Variants in UEVLD observed in about 807,000 individuals in gnomAD.
The protein encoded by UEVLD is ubiquitin-conjugating enzyme E2 variant 3.
In UEVLD, 47 loss-of-function variants were observed where a neutral mutation model predicts 58.6. That is an observed-to-expected ratio of 0.80 (90% CI 0.63 to 1.02). The LOEUF (loss-of-function observed/expected upper bound fraction) is 1.02, where lower values mean the gene tolerates loss of function less well. Ranked by LOEUF, UEVLD falls within the 50% of genes least tolerant of loss-of-function variation. The probability of loss-of-function intolerance (pLI) is 0.00; values close to 1 mark genes in which losing one functional copy is unlikely to be tolerated. For missense variants in UEVLD, 510 were observed against 550.6 expected (o/e 0.93, Z 0.74); for synonymous variants, 197 against 195.3 (o/e 1.01, Z -0.07).
At position 18,588,645 on chromosome 11, in the gene UEVLD, C is replaced by T. The variant is rs1853718679; in HGVS notation, c.10G>A (p.Asp4Asn). MEF[D>N]CEGLRRLLGK... Reference sequence around the variant, plus strand: ...AGCAGCCGTCTCAGGCCCTCGCAGTCGAACTCCATCTCCAGGCCGGTCCCG... The same window carrying T: ...AGCAGCCGTCTCAGGCCCTCGCAGTTGAACTCCATCTCCAGGCCGGTCCCG... Residue 4 changes from aspartate to asparagine, a missense_variant, in exon 1 of 12, where the codon GAC becomes AAC. Asp to Asn is a conservative substitution (Grantham distance 23, BLOSUM62 1). Coordinates refer to ENST00000396197, the MANE Select transcript of UEVLD (RefSeq NM_001040697.4). 1.9e-6 allele frequency: 3 copies of T among 1,609,844 alleles called. No individual in the cohort carries two copies. The highest frequency in any genetic ancestry group is 1.7e-6 in the Non-Finnish European group (2 of 1,179,858).
chr11:18,574,830 G>A (rs571203180), intron 3 of UEVLD, among the ~76,000 whole-genome samples: 2 of 152,250 alleles, frequency 1.3e-5, no homozygotes, highest in Admixed American at 1.3e-4. Context: ...TTTCACCTAT[G>A]GAATGGAGAT....
In UEVLD at chr11:18,536,398, A is replaced by T; in HGVS notation, c.1124+8T>A. 6.8e-6 allele frequency: 11 copies of T among 1,613,300 alleles called. No individual in the cohort carries two copies. The highest frequency in any genetic ancestry group is 9.3e-6 in the Non-Finnish European group (11 of 1,179,454). ...GTTGGATAAATGCAAATTTCCAGTC[A>T]GTGTTACCTGTTGGACAGCTGCACT... On this transcript the variant is annotated splice_region_variant and intron_variant, in intron 10 of 11. Transcript: ENST00000396197.
At chr11:18,537,326 T>TATA (rs1242275258) in intron 9 of UEVLD, among the ~76,000 whole-genome samples, 2,634 of 105,114 alleles carry the variant, frequency 0.025, 63 homozygotes, top group African/African-American at 0.073. Flanking sequence ...ATATATATAT[T>TATA]TTTTTTTTTT....
At chr11:18,544,173 T>C (rs557879085) in intron 9 of UEVLD, among the ~76,000 whole-genome samples, 9 of 152,328 alleles carry the variant, frequency 5.9e-5, no homozygotes, top group African/African-American at 2.2e-4. Flanking sequence ...ATATGAGGAA[T>C]TTATTCACAA....
intron 6 of UEVLD, among the ~76,000 whole-genome samples, chr11:18,563,240 A>G (rs1472216003): frequency 6.6e-6 from 1 of 152,340 alleles, no homozygotes; most frequent in African/African-American, 2.4e-5. Context: ...GCACTATGTC[A>G]TAAGTGCTAT....
At position 18,544,674 on chromosome 11, in the gene UEVLD, G is replaced by A. The variant is rs776252865; in HGVS notation, c.1009C>T (p.Gln337Ter). 1.3e-6 allele frequency: 2 copies of A among 1,591,846 alleles called. No homozygotes were observed. The highest frequency in any genetic ancestry group is 8.5e-7 in the Non-Finnish European group (1 of 1,172,640). The change falls in exon 9 of 12, where the codon CAG (glutamine) becomes TAG (stop). Residue 337 changes from glutamine (Q) to a stop codon, truncating the protein, a stop_gained. Coordinates refer to ENST00000396197, the MANE Select transcript of UEVLD (RefSeq NM_001040697.4). LOFTEE classifies it high-confidence loss of function. ...ACCCATACTTCTTTGCCTGAAGTCT[G>A]TGCCTTCAAAACATTTGTAATAATA... ...QYIITNVLKA[Q>*]TSGKEVWVIG...
chr11:18,572,814 A>T (rs1409825834), intron 3 of UEVLD, among the ~76,000 whole-genome samples: 1 of 151,830 alleles, frequency 6.6e-6, no homozygotes, highest in Non-Finnish European at 1.5e-5. Context: ...CAAAAAAAAA[A>T]AAAAAAGGCA....
chr11:18,544,874 T>C, intron 8 of UEVLD, 78 bp from the exon 9 acceptor site: 2 of 1,114,404 alleles, frequency 1.8e-6, no homozygotes, highest in Admixed American at 3.6e-5. Context: ...ATATTTATTA[T>C]TTTAATAAGT....
chr11:18,552,336 C>A (rs371115235), intron 7 of UEVLD, among the ~76,000 whole-genome samples: 1 of 151,896 alleles, frequency 6.6e-6, no homozygotes, highest in African/African-American at 2.4e-5. Flanking sequence ...CTTGAGGCCA[C>A]GAGTTTTGAG....
chr11:18,548,096 A>G (rs538111061), intron 7 of UEVLD, among the ~76,000 whole-genome samples: 112 of 152,246 alleles, frequency 7.4e-4, no homozygotes, highest in Middle Eastern at 6.8e-3. Context: ...CTGTCCTTGG[A>G]TAACTACTTC....
intron 9 of UEVLD, among the ~76,000 whole-genome samples, chr11:18,542,885 C>CTTTTTT (rs1323061711): frequency 7.2e-5 from 7 of 97,188 alleles, no homozygotes; most frequent in East Asian, 5.2e-4. Context: ...ATTTTCTTTT[C>CTTTTTT]TTTTCTTTTT....
At chr11:18,565,314 C>G (rs1852242575) in intron 5 of UEVLD, among the ~76,000 whole-genome samples, 2 of 152,114 alleles carry the variant, frequency 1.3e-5, no homozygotes, top group South Asian at 4.1e-4. Context: ...ACTCATTGCT[C>G]TGGTCTACAA....
intron 9 of UEVLD, among the ~76,000 whole-genome samples, chr11:18,541,370 T>C (rs1414168355): frequency 6.6e-6 from 1 of 152,214 alleles, no homozygotes; most frequent in Non-Finnish European, 1.5e-5. Flanking sequence ...ATTTCACATG[T>C]GTGCTTGTCT....
chr11:18,572,190 C>G (rs1020293928), intron 3 of UEVLD, among the ~76,000 whole-genome samples: 5 of 152,078 alleles, frequency 3.3e-5, no homozygotes, highest in African/African-American at 9.6e-5. Context: ...GAGCCGAGAT[C>G]GCGCCACTGC....
chr11:18,582,862 T>C (rs983053241), intron 1 of UEVLD, among the ~76,000 whole-genome samples: 4 of 152,090 alleles, frequency 2.6e-5, no homozygotes, highest in African/African-American at 7.2e-5. Flanking sequence ...GACTGAAAAA[T>C]TGAGTTTAAT....
chr11:18,563,991 C>T (rs928374308), intron 6 of UEVLD: 6 of 239,612 alleles, frequency 2.5e-5, no homozygotes, highest in African/African-American at 1.1e-4. Flanking sequence ...GGTAACAGAG[C>T]GAGACTCCAC....
intron 9 of UEVLD, among the ~76,000 whole-genome samples, chr11:18,541,070 C>T (rs1565109806): frequency 6.6e-6 from 1 of 152,162 alleles, no homozygotes; most frequent in Non-Finnish European, 1.5e-5. Flanking sequence ...TTTTCCTTCA[C>T]CCAGATATAC....
chr11:18,529,660 C>G lies in UEVLD; in HGVS notation c.*2660G>C, dbSNP rs1353356024. 6.6e-6 allele frequency: 1 copy of G among 151,906 alleles called. No individual in the cohort carries two copies. Among genetic ancestry groups the G allele is most frequent in the East Asian group, 1.9e-4 (1 of 5,184 alleles). The allele number at this position is 151,906 out of a possible 1,614,324, so 9.4% of individuals were successfully genotyped here. A position where few individuals can be genotyped will look rare whatever the true frequency, so the allele number is the denominator to read the frequency against. ...CATTATTCTTAATATTTAAGGAAAA[C>G]AATGTAAAATGGGAAAAAATGTATC... On this transcript the variant is annotated 3_prime_UTR_variant, in exon 12 of 12. Coordinates refer to ENST00000396197, the MANE Select transcript of UEVLD (RefSeq NM_001040697.4).
chr11:18,544,964 T>C (rs955278321), intron 8 of UEVLD, among the ~76,000 whole-genome samples, 168 bp from the exon 9 acceptor site: 8 of 148,146 alleles, frequency 5.4e-5, no homozygotes, highest in African/African-American at 7.4e-5. Flanking sequence ...ACTATATATA[T>C]ACACATATAA....
Sources: allele counts gnomAD v4.1 joint callset (sites outside exome capture counted in the v4.1 genomes callset), GRCh38; gene constraint gnomAD v4.1.1; transcripts MANE v1.5; gene names NCBI Gene and HGNC (gene_info 2026-07-23, HGNC 2026-07-21).